ZNF503: variants seen among roughly 807,000 people sequenced by gnomAD.
ZNF503 encodes the protein zinc finger protein 503.
In ZNF503, 15 loss-of-function variants were observed where a neutral mutation model predicts 34.4. The ratio of observed to expected loss-of-function variants is 0.44; its 90% CI spans 0.29 to 0.67. The LOEUF (loss-of-function observed/expected upper bound fraction) is 0.67, where lower values mean the gene tolerates loss of function less well. Ranked by LOEUF, ZNF503 falls within the 30% of genes least tolerant of loss-of-function variation. The pLI is 0.13. For missense variants in ZNF503, 1,007 were observed against 926.8 expected, an observed-to-expected ratio of 1.09 and a Z score of -1.12; for synonymous variants, 580 against 456.8, an observed-to-expected ratio of 1.27 and a Z score of -3.44.
At chr10:75,383,409 T>C in the ZNF503 span, among the ~76,000 whole-genome samples, 1 of 152,186 alleles carries the variant, frequency 6.6e-6, no homozygotes, top group Non-Finnish European at 1.5e-5. Context: ...CCCCCACTTC[T>C]GCTTTCTTTT....
the ZNF503 span, among the ~76,000 whole-genome samples, chr10:75,305,017 C>T: frequency 6.1e-4 from 93 of 152,176 alleles, no homozygotes; most frequent in South Asian, 0.019. Context: ...TAATTGTATA[C>T]TTTAACTGAA....
downstream of ZNF503, among the ~76,000 whole-genome samples, chr10:75,395,434 C>G (rs948865267): frequency 1.8e-4 from 27 of 151,370 alleles, no homozygotes; most frequent in Non-Finnish European, 3.7e-4. This position sits in a 1 kb window ranked among gnomAD's most constrained non-coding sequence, Gnocchi z 4.4. Context: ...GCCGGCTGCC[C>G]GCGCGCTGGC....
chr10:75,370,971 A>G, the ZNF503 span, among the ~76,000 whole-genome samples: 1 of 152,146 alleles, frequency 6.6e-6, no homozygotes, highest in Non-Finnish European at 1.5e-5. Flanking sequence ...GCAGAAAGAG[A>G]TGTCCTGGCT....
the ZNF503 span, among the ~76,000 whole-genome samples, chr10:75,347,831 G>A: frequency 3.9e-5 from 6 of 152,100 alleles, no homozygotes; most frequent in Admixed American, 6.5e-5. Context: ...AGTCCCCAGC[G>A]AGCTCCCCAC....
chr10:75,375,253 TG>T, the ZNF503 span, among the ~76,000 whole-genome samples: 1 of 152,092 alleles, frequency 6.6e-6, no homozygotes, highest in African/African-American at 2.4e-5. Context: ...CCTGAGTAGC[TG>T]GGACTACAGG....
At chr10:75,394,531 A>C (rs1320258391), downstream of ZNF503, among the ~76,000 whole-genome samples, 2 of 152,254 alleles carry the variant, frequency 1.3e-5, no homozygotes, top group African/African-American at 4.8e-5. Context: ...ACTGTGTGCT[A>C]ACCGATTGCG....
the ZNF503 span, among the ~76,000 whole-genome samples, chr10:75,352,058 C>T: frequency 7.5e-6 from 1 of 133,802 alleles, no homozygotes; most frequent in Non-Finnish European, 1.7e-5. Context: ...GGATTAGTGC[C>T]ACTCCAATAT....
downstream of ZNF503, among the ~76,000 whole-genome samples, chr10:75,394,577 A>C (rs1187635226): frequency 6.6e-6 from 1 of 152,264 alleles, no homozygotes; most frequent in South Asian, 2.1e-4. Context: ...TTTCTAAATC[A>C]CAAGAAGTTC....
At chr10:75,357,116 C>G in the ZNF503 span, among the ~76,000 whole-genome samples, 1 of 151,922 alleles carries the variant, frequency 6.6e-6, no homozygotes, top group Non-Finnish European at 1.5e-5. Flanking sequence ...TCCTCTAACC[C>G]CTTTTTTTTT....
chr10:75,348,105 C>T, the ZNF503 span, among the ~76,000 whole-genome samples: 2 of 151,108 alleles, frequency 1.3e-5, no homozygotes, highest in Non-Finnish European at 2.9e-5. Context: ...CTCTATCATC[C>T]AGGCTGGAGT....
At chr10:75,392,920 C>T (rs933215102), downstream of ZNF503, among the ~76,000 whole-genome samples, 1 of 152,108 alleles carries the variant, frequency 6.6e-6, no homozygotes, top group Non-Finnish European at 1.5e-5. Flanking sequence ...TATCAATGTC[C>T]CCATTTCATA....
At chr10:75,378,034 CA>C in the ZNF503 span, among the ~76,000 whole-genome samples, 5 of 151,970 alleles carry the variant, frequency 3.3e-5, no homozygotes, top group African/African-American at 1.2e-4. Context: ...ACAACTGTCT[CA>C]TGAGATAGTG....
downstream of ZNF503, among the ~76,000 whole-genome samples, chr10:75,393,232 C>T (rs116992012): frequency 1.9e-3 from 296 of 152,288 alleles, no homozygotes; most frequent in Middle Eastern, 0.014. Context: ...GGATTAAGTG[C>T]TTGGCTTCCA....
chr10:75,313,954 C>T, the ZNF503 span, among the ~76,000 whole-genome samples: 1 of 152,192 alleles, frequency 6.6e-6, no homozygotes, highest in South Asian at 2.1e-4. Flanking sequence ...AGTCATTTCT[C>T]TCCCAAAGCC....
chr10:75,348,990 C>G, the ZNF503 span, among the ~76,000 whole-genome samples: 2 of 151,956 alleles, frequency 1.3e-5, no homozygotes, highest in Non-Finnish European at 2.9e-5. Flanking sequence ...TCCTGTTTCT[C>G]TTTTTTCTCT....
Position 75,401,279 on chromosome 10 carries a change from C to A in ZNF503, c.141G>T (p.Ser47=). The change falls in exon 1 of 2, where the codon TCG becomes TCT. Residue 47 remains serine, a synonymous_variant. Coordinates refer to ENST00000372524, the MANE Select transcript of ZNF503 (RefSeq NM_032772.6). ...AAGGCTTGGTGCTGCCGGCCGGGGA[C>A]GAGCCTGGGCCGGGGCCGGAGCTAT... is the stretch of plus-strand genomic sequence containing the variant. ...SGNSSGPGPG[S]SPAGSTKPFV... The A allele has an allele frequency of 1.3e-6, 2 of 1,583,474 alleles. No homozygotes were observed. Among genetic ancestry groups the A allele is most frequent in the Non-Finnish European group, 1.7e-6 (2 of 1,166,744 alleles).
At chr10:75,302,638 C>T in the ZNF503 span, among the ~76,000 whole-genome samples, 1 of 152,176 alleles carries the variant, frequency 6.6e-6, no homozygotes. Flanking sequence ...GAGGAATCTC[C>T]TGTGGCTTAA....
the ZNF503 span, among the ~76,000 whole-genome samples, chr10:75,385,705 G>A: frequency 6.6e-6 from 1 of 152,228 alleles, no homozygotes; most frequent in African/African-American, 2.4e-5. Flanking sequence ...TCCAACCACA[G>A]TCGAGGAAGG....
the ZNF503 span, among the ~76,000 whole-genome samples, chr10:75,349,457 A>G: frequency 6.5e-4 from 99 of 152,336 alleles, 3 homozygotes; most frequent in East Asian, 0.016. Flanking sequence ...CTTATTTATT[A>G]CTTATAATTA....
Sources: gnomAD v4.1 joint callset for allele counts (sites outside exome capture counted in the v4.1 genomes callset) on GRCh38, gnomAD v4.1.1 for gene constraint, Gnocchi (gnomAD v3.1) non-coding constraint, MANE v1.5 for transcripts, NCBI Gene and HGNC (gene_info 2026-07-23, HGNC 2026-07-21) for gene names.